The following CAP1 variants were observed in gnomAD, a reference collection of about 807,000 sequenced individuals.
CAP1 encodes the protein cyclase associated actin cytoskeleton regulatory protein 1.
In CAP1, 11 loss-of-function variants were observed where a neutral mutation model predicts 58.2. The observed-to-expected ratio is 0.19, with a 90% confidence interval of 0.12 to 0.31. The LOEUF is 0.31. Ranked by LOEUF, CAP1 falls within the 10% of genes least tolerant of loss-of-function variation. CAP1 has a pLI of 1.00. For synonymous variants in CAP1, 183 were observed against 213.8 expected, an observed-to-expected ratio of 0.86 and a Z score of 1.26; for missense variants, 423 against 587.5, an observed-to-expected ratio of 0.72 and a Z score of 2.89.
At chr1:40,059,983 C>A in intron 2 of CAP1, 84 bp from the exon 3 acceptor site, 1 of 1,088,792 alleles carries the variant, frequency 9.2e-7, no homozygotes, top group Admixed American at 1.8e-5. Flanking sequence ...TATTACCTTG[C>A]CTCCCCACTT....
At chr1:40,065,162 T>C (rs1647017761) in intron 6 of CAP1, among the ~76,000 whole-genome samples, 1 of 152,220 alleles carries the variant, frequency 6.6e-6, no homozygotes, top group African/African-American at 2.4e-5. Flanking sequence ...ATATAAGATT[T>C]TGTTCCTTTG....
At position 40,059,937 on chromosome 1, in the gene CAP1, A is replaced by G. The variant is rs1321899192; in HGVS notation, c.113-130A>G. 7.4e-5 allele frequency: 45 copies of G among 611,734 alleles called. No individual in the cohort carries two copies. In the East Asian group the frequency reaches 1.3e-3, roughly 17 times the overall value. 37.9% of individuals were successfully genotyped at this position (611,734 alleles called of 1,614,324 possible). On this transcript the variant is annotated intron_variant, in intron 2 of 12. Transcript: ENST00000372805. ...AGTGGTGATACTGGACCTGGAACCCAGGTTTCCTTACTCCTGTTCTGTATC... is the reference window on the plus strand; with the variant it reads ...AGTGGTGATACTGGACCTGGAACCCGGGTTTCCTTACTCCTGTTCTGTATC...
At chr1:40,049,933 C>T (rs1646279338) in intron 1 of CAP1, among the ~76,000 whole-genome samples, 1 of 152,194 alleles carries the variant, frequency 6.6e-6, no homozygotes, top group Non-Finnish European at 1.5e-5. Context: ...TTAATGCACA[C>T]TTGTTTCATA....
chr1:40,067,761 G>A (rs1416018329), intron 8 of CAP1, 44 bp downstream of exon 8: 2 of 1,455,494 alleles, frequency 1.4e-6, no homozygotes, highest in African/African-American at 2.8e-5. Flanking sequence ...AACAAGTTGT[G>A]TGGGCCAGAC....
intron 1 of CAP1, among the ~76,000 whole-genome samples, chr1:40,050,440 C>T (rs1646306780): frequency 5.7e-4 from 1 of 1,742 alleles, no homozygotes; most frequent in African/African-American, 2.4e-3. Flanking sequence ...AGGTGGATCA[C>T]CTGAGATCAG....
chr1:40,058,721 G>GA lies in CAP1; in HGVS notation c.-10-604dup, dbSNP rs1004293256. On this transcript the variant is annotated intron_variant, in intron 1 of 12. Coordinates refer to ENST00000372805, the MANE Select transcript of CAP1 (RefSeq NM_006367.4). ...TGGGTGACATTGTAAGACTTTGTCT[G>GA]AAAAAAAAAAAATTATTGAGGGAAG... 1.1e-3 allele frequency among the ~76,000 whole-genome samples: 161 copies of GA among 143,894 alleles called. 1 individual carries two copies. The highest frequency in any genetic ancestry group is 5.6e-3 in the Admixed American group (81 of 14,404). The allele number at this position is 143,894 out of a possible 152,430, so 94.4% of individuals were successfully genotyped here.
chr1:40,069,554 C>A, intron 8 of CAP1, 136 bp from the exon 9 acceptor site: 3 of 720,066 alleles, frequency 4.2e-6, no homozygotes, highest in South Asian at 1.8e-5. Flanking sequence ...AGTACTTTTC[C>A]AAAACTGCTT....
intron 3 of CAP1, 105 bp downstream of exon 3, chr1:40,060,275 T>G: frequency 1.4e-6 from 1 of 740,084 alleles, no homozygotes; most frequent in South Asian, 1.8e-5. Context: ...AAGTTCCTCT[T>G]GGTTTGGGGC....
chr1:40,044,704 C>G (rs534695179), intron 1 of CAP1, among the ~76,000 whole-genome samples: 152 of 151,752 alleles, frequency 1.0e-3, no homozygotes, highest in Admixed American at 3.1e-3. Context: ...TTTTACTTAA[C>G]CTTTTGCACC....
intron 1 of CAP1, among the ~76,000 whole-genome samples, chr1:40,049,975 G>A (rs541195104): frequency 2.0e-5 from 3 of 152,298 alleles, no homozygotes; most frequent in African/African-American, 4.8e-5. Flanking sequence ...AGATTCGTGG[G>A]TGGAAGTTGC....
intron 2 of CAP1, among the ~76,000 whole-genome samples, 160 bp downstream of exon 2, chr1:40,059,618 G>A (rs1646762388): frequency 6.6e-6 from 1 of 152,120 alleles, no homozygotes; most frequent in Admixed American, 6.6e-5. Flanking sequence ...GAAATGACTT[G>A]TACAGGGAGG....
intron 1 of CAP1, among the ~76,000 whole-genome samples, chr1:40,047,776 A>G (rs1410326284): frequency 6.6e-6 from 1 of 152,218 alleles, no homozygotes; most frequent in Non-Finnish European, 1.5e-5. Context: ...TGCTCCAGAC[A>G]TTGAAACAGC....
chr1:40,049,932 A>G (rs1447812301), intron 1 of CAP1, among the ~76,000 whole-genome samples: 1 of 152,154 alleles, frequency 6.6e-6, no homozygotes, highest in Admixed American at 6.6e-5. Flanking sequence ...TTTAATGCAC[A>G]CTTGTTTCAT....
chr1:40,060,195 CT>C (rs1445956234), intron 3 of CAP1, 25 bp downstream of exon 3: 10 of 1,578,404 alleles, frequency 6.3e-6, no homozygotes, highest in African/African-American at 1.3e-5. Flanking sequence ...CCTTTTTCCC[CT>C]TCTTTTAAGG....
chr1:40,069,945 T>C, intron 9 of CAP1, 71 bp downstream of exon 9: 2 of 1,463,768 alleles, frequency 1.4e-6, no homozygotes, highest in East Asian at 4.8e-5. Context: ...AGTTTCACTT[T>C]GTCGCCCAGG....
chr1:40,046,285 G>A (rs923862163), intron 1 of CAP1, among the ~76,000 whole-genome samples: 3 of 152,012 alleles, frequency 2.0e-5, no homozygotes, highest in Non-Finnish European at 2.9e-5. Flanking sequence ...GTAAAACCCC[G>A]TCCCTACTAA....
At chr1:40,046,603 A>G (rs1646118099) in intron 1 of CAP1, among the ~76,000 whole-genome samples, 1 of 152,208 alleles carries the variant, frequency 6.6e-6, no homozygotes, top group Non-Finnish European at 1.5e-5. Flanking sequence ...GAAATTTGTC[A>G]TTAGGTGATT....
chr1:40,071,352 G>A, intron 12 of CAP1, 98 bp from the exon 13 acceptor site: 1 of 814,496 alleles, frequency 1.2e-6, no homozygotes. Context: ...CGTGCTCCTG[G>A]GGTTAAGTGG....
chr1:40,041,177 G>A (rs1050821352), intron 1 of CAP1, among the ~76,000 whole-genome samples: 1 of 152,236 alleles, frequency 6.6e-6, no homozygotes, highest in Non-Finnish European at 1.5e-5. Flanking sequence ...GCTAGTCTGA[G>A]ATATATAGCG....
Sources: gnomAD v4.1 joint callset for allele counts (sites outside exome capture counted in the v4.1 genomes callset) on GRCh38, gnomAD v4.1.1 for gene constraint, MANE v1.5 for transcripts, NCBI Gene and HGNC (gene_info 2026-07-23, HGNC 2026-07-21) for gene names.